Variants in ZNF233 observed in about 807,000 individuals in gnomAD.
ZNF233 encodes zinc finger protein 233.
Under a neutral mutation model 11.6 loss-of-function variants are expected in ZNF233, and 7 were observed. The observed-to-expected ratio is 0.60, with a 90% CI of 0.34 to 1.13. The LOEUF (loss-of-function observed/expected upper bound fraction) is 1.13. ZNF233 is among the 50% of genes most tolerant of loss of function. ZNF233 has a pLI of 0.03. For missense variants in ZNF233, 711 were observed against 785.5 expected, an observed-to-expected ratio of 0.91 and a Z score of 1.13; for synonymous variants, 226 against 268.5, an observed-to-expected ratio of 0.84 and a Z score of 1.55.
Position 44,267,145 on chromosome 19 carries a change from G to T in ZNF233, c.238+184G>T, listed in dbSNP as rs183738673. On this transcript the variant is annotated intron_variant, in intron 4 of 4. Transcript: ENST00000683810. ...TCCATTCTCCACATAGCCAGATCAT[G>T]TAAGTCAGATCATGTCGCTCCTTGG... 357 of 477,528 alleles carry T rather than the reference G, an allele frequency of 7.5e-4. 4 individuals are homozygous for T. The Admixed American group carries it at 0.011, about 15-fold the overall frequency. The allele number at this position is 477,528 out of a possible 1,614,324, so 29.6% of individuals were successfully genotyped here.
intron 4 of ZNF233, chr19:44,267,228 C>T: frequency 2.3e-6 from 1 of 428,506 alleles, no homozygotes; most frequent in Non-Finnish European, 4.1e-6. Context: ...CTCTACGAGC[C>T]TTCAGGGTCC....
intron 3 of ZNF233, 81 bp from the exon 4 acceptor site, chr19:44,266,785 C>G: frequency 1.0e-6 from 1 of 973,400 alleles, no homozygotes. Flanking sequence ...CTACTTAGAG[C>G]GCATGAAAAT....
intron 1 of ZNF233, among the ~76,000 whole-genome samples, chr19:44,261,210 C>T (rs1236079588): frequency 2.0e-5 from 3 of 152,036 alleles, no homozygotes; most frequent in East Asian, 1.9e-4. Flanking sequence ...AAGGCTGAGG[C>T]GGGAGGATGG....
intron 1 of ZNF233, among the ~76,000 whole-genome samples, chr19:44,263,003 C>T (rs920583833): frequency 2.0e-5 from 3 of 152,158 alleles, no homozygotes; most frequent in African/African-American, 7.2e-5. Context: ...GATGCAGTCT[C>T]ACCTCACCAG....
Position 44,261,510 on chromosome 19 carries a change from T to A in ZNF233, c.-48+1572T>A, listed in dbSNP as rs111986606. ...TGCTCAAGAGTCATAATAAAAAAAA[T>A]TTTTTTAAGGATTTGCAGGGAAGAA... On this transcript the variant is annotated intron_variant, in intron 1 of 4. Coordinates refer to ENST00000683810, the MANE Select transcript of ZNF233 (RefSeq NM_001207005.2). Among the ~76,000 whole-genome samples the A allele has an allele frequency of 7.1e-3, 1,079 of 152,042 alleles. 1 individual carries two copies. The highest frequency in any genetic ancestry group is 8.4e-3 in the Non-Finnish European group (573 of 67,960).
intron 4 of ZNF233, chr19:44,267,456 ATCT>A (rs1975123426): frequency 2.5e-6 from 1 of 396,426 alleles, no homozygotes; most frequent in South Asian, 1.3e-4. Context: ...GGCTCAATCG[ATCT>A]TCTCACCTCA....
At chr19:44,267,744 C>A in intron 4 of ZNF233, 1 of 232,626 alleles carries the variant, frequency 4.3e-6, no homozygotes, top group Non-Finnish European at 8.2e-6. Context: ...GTTCTTACCT[C>A]ATACATCCTC....
intron 4 of ZNF233, among the ~76,000 whole-genome samples, chr19:44,272,227 C>CA (rs1226989331): frequency 0.018 from 1,379 of 78,174 alleles, 11 homozygotes; most frequent in Admixed American, 0.043. Context: ...GACTCCATCT[C>CA]AAAAAAAAAA....
At chr19:44,265,891 A>AG (rs1415581240) in intron 2 of ZNF233, among the ~76,000 whole-genome samples, 1 of 152,224 alleles carries the variant, frequency 6.6e-6, no homozygotes, top group Non-Finnish European at 1.5e-5. Flanking sequence ...CAAGTTATAA[A>AG]ATACGTATTC....
Position 44,266,104 on chromosome 19 carries a change from GTCTTCCTGCCTGT to G in ZNF233, c.16-89_16-77del, listed in dbSNP as rs1975073694. The G allele has an allele frequency of 5.2e-5, 71 of 1,355,126 alleles. 1 individual carries two copies. The South Asian group carries it at 1.2e-3, about 24-fold the overall frequency. 83.9% of individuals were successfully genotyped at this position (1,355,126 alleles called of 1,614,324 possible). On this transcript the variant is annotated intron_variant, in intron 2 of 4. Transcript: ENST00000683810. ...ATTCGAGGCCCTCACAATCCAGAAC[GTCTTCCTGCCTGT>G]TCTTTCTACCTGCTCAGTGCTGCCT...
At chr19:44,259,989 C>T (rs963598267) in intron 1 of ZNF233, 51 bp downstream of exon 1, 14 of 444,276 alleles carry the variant, frequency 3.2e-5, no homozygotes, top group Non-Finnish European at 6.4e-5. Flanking sequence ...CTGGCCTGGG[C>T]GTTGGACTCG....
At position 44,268,568 on chromosome 19, in the gene ZNF233, GTGAC is replaced by G. The variant is rs1407404135; in HGVS notation, c.238+1611_238+1614del. 2.0e-5 allele frequency among the ~76,000 whole-genome samples: 3 copies of G among 152,350 alleles called. No homozygotes were observed. The East Asian group carries it at 5.8e-4, about 29-fold the overall frequency. ...TGTTCATTTAATATTTGTCGAATGA[GTGAC>G]TGAATGAGTGAATGAATGGGTTAAT... is the stretch of plus-strand genomic sequence containing the variant. On this transcript the variant is annotated intron_variant, in intron 4 of 4. Transcript: ENST00000683810.
chr19:44,267,496 A>T, intron 4 of ZNF233: 1 of 397,606 alleles, frequency 2.5e-6, no homozygotes, highest in Non-Finnish European at 4.4e-6. Context: ...GGATGGGACT[A>T]CAGGCACTTG....
chr19:44,260,587 C>T (rs1974911462), intron 1 of ZNF233, among the ~76,000 whole-genome samples: 1 of 152,138 alleles, frequency 6.6e-6, no homozygotes, highest in Non-Finnish European at 1.5e-5. Flanking sequence ...GTCTCACCTC[C>T]ATGTGGTGCC....
Position 44,265,366 on chromosome 19 carries a change from TACACACACAC to T in ZNF233, c.16-797_16-788del, listed in dbSNP as rs67044027. On this transcript the variant is annotated intron_variant, in intron 2 of 4. Transcript: ENST00000683810. ...TGAGTAGTATTCCATCATATATATA[TACACACACAC>T]ACACACACACACACACACACACACA... Among the ~76,000 whole-genome samples, 556 of 133,178 alleles carry T rather than the reference TACACACACAC, an allele frequency of 4.2e-3. 1 individual carries two copies. The highest frequency in any genetic ancestry group is 4.7e-3 in the Non-Finnish European group (306 of 64,576). 87.4% of individuals were successfully genotyped at this position (133,178 alleles called of 152,430 possible).
At chr19:44,262,626 G>A (rs377250574) in intron 1 of ZNF233, among the ~76,000 whole-genome samples, 17 of 152,134 alleles carry the variant, frequency 1.1e-4, no homozygotes, top group Admixed American at 4.6e-4. Flanking sequence ...CATTGCTCTC[G>A]TCCCTACTAG....
At chr19:44,271,394 C>T (rs897180733) in intron 4 of ZNF233, among the ~76,000 whole-genome samples, 3 of 152,110 alleles carry the variant, frequency 2.0e-5, no homozygotes, top group African/African-American at 7.2e-5. Context: ...GCTTTTGTAA[C>T]CATTTTTGGG....
chr19:44,266,297 G>C lies in ZNF233; in HGVS notation c.115G>C (p.Glu39Gln). 6.2e-7 allele frequency: 1 copy of C among 1,609,182 alleles called. No individual in the cohort carries two copies. The highest frequency in any genetic ancestry group is 8.5e-7 in the Non-Finnish European group (1 of 1,177,310). The change falls in exon 3 of 5, where the codon GAG (glutamate) becomes CAG (glutamine). Residue 39 changes from glutamate (E) to glutamine (Q), a missense_variant. Glu to Gln is a conservative substitution (Grantham distance 29). Transcript: ENST00000683810. ...QRKLYQDVML[E>Q]NFRNLLSVGY... ...AAAGCTGTACCAAGATGTGATGCTG[G>C]AGAACTTCAGGAACCTGCTGTCAGT...
rs957990167 is a variant in ZNF233 at position 44,274,933 on chromosome 19, G to C, written c.*260G>C. On this transcript the variant is annotated 3_prime_UTR_variant, in exon 5 of 5. Coordinates refer to ENST00000683810, the MANE Select transcript of ZNF233 (RefSeq NM_001207005.2). ...ACAACAGAGAAACCCTATAAAGAAT[G>C]ATACAATATGTTTCAATCAGAACCT... The C allele has an allele frequency of 4.5e-6, 2 of 442,610 alleles. No individual in the cohort carries two copies. Among genetic ancestry groups the C allele is most frequent in the Non-Finnish European group, 7.9e-6 (2 of 251,650 alleles). The allele number at this position is 442,610 out of a possible 1,614,324, so 27.4% of individuals were successfully genotyped here.
Sources: gnomAD v4.1 joint callset for allele counts (sites outside exome capture counted in the v4.1 genomes callset) on GRCh38, gnomAD v4.1.1 for gene constraint, MANE v1.5 for transcripts, NCBI Gene and HGNC (gene_info 2026-07-23, HGNC 2026-07-21) for gene names.